Variants in FGD6 observed in about 807,000 individuals in gnomAD.
FGD6 encodes FYVE, RhoGEF and PH domain containing 6, also known as FYVE, RhoGEF and PH domain-containing protein 6.
Under a neutral mutation model 149.4 loss-of-function variants are expected in FGD6, and 90 were observed. That is an observed-to-expected ratio of 0.60 (90% CI 0.51 to 0.72). The LOEUF (loss-of-function observed/expected upper bound fraction) is 0.72. Ranked by LOEUF, FGD6 falls within the 30% of genes least tolerant of loss-of-function variation. FGD6 has a pLI of 0.00. For missense variants in FGD6, 1,437 were observed against 1,684.8 expected, an observed-to-expected ratio of 0.85 and a Z score of 2.57; for synonymous variants, 527 against 584.0, an observed-to-expected ratio of 0.90 and a Z score of 1.41.
chr12:95,192,023 C>T (rs761323033), intron 2 of FGD6, among the ~76,000 whole-genome samples: 6 of 152,172 alleles, frequency 3.9e-5, no homozygotes, highest in African/African-American at 7.2e-5. Flanking sequence ...CCACCACTCG[C>T]GGCTCCTCCT....
At chr12:95,095,014 T>G (rs1276823422) in intron 14 of FGD6, among the ~76,000 whole-genome samples, 1 of 152,224 alleles carries the variant, frequency 6.6e-6, no homozygotes, top group Admixed American at 6.5e-5. Flanking sequence ...AATTAATAAT[T>G]ATGATTATTT....
intron 20 of FGD6, among the ~76,000 whole-genome samples, chr12:95,083,026 T>TACAC (rs1877743652): frequency 3.8e-5 from 3 of 78,864 alleles, no homozygotes; most frequent in Non-Finnish European, 7.7e-5. Context: ...TATATATATA[T>TACAC]ATATACACAC....
chr12:95,086,518 C>T, intron 18 of FGD6, among the ~76,000 whole-genome samples: 1 of 142,426 alleles, frequency 7.0e-6, no homozygotes, highest in Non-Finnish European at 1.5e-5. Flanking sequence ...TAAGCTTTTA[C>T]TGATTGATTT....
intron 8 of FGD6, among the ~76,000 whole-genome samples, chr12:95,120,106 GT>G (rs1374236097): frequency 1.3e-5 from 2 of 150,748 alleles, no homozygotes; most frequent in Non-Finnish European, 3.0e-5. Flanking sequence ...GAATGCTCCT[GT>G]AGTCCCAGCT....
At chr12:95,094,967 G>C (rs890945915) in intron 14 of FGD6, among the ~76,000 whole-genome samples, 3 of 152,120 alleles carry the variant, frequency 2.0e-5, no homozygotes, top group African/African-American at 7.2e-5. Context: ...TCCTAAACTT[G>C]AAAATATTTT....
intron 3 of FGD6, among the ~76,000 whole-genome samples, chr12:95,154,994 C>T (rs773080312): frequency 6.6e-6 from 1 of 151,292 alleles, no homozygotes; most frequent in African/African-American, 2.4e-5. Context: ...AAACTTTTTT[C>T]GACTGCTTCC....
chr12:95,175,820 G>GA (rs1313643366), intron 2 of FGD6, among the ~76,000 whole-genome samples: 10,769 of 129,868 alleles, frequency 0.083, 605 homozygotes, highest in Non-Finnish European at 0.12. Flanking sequence ...AAAAAAAAAA[G>GA]AAAAAAAAAA....
At chr12:95,196,379 G>A (rs996341187) in intron 2 of FGD6, among the ~76,000 whole-genome samples, 1 of 152,006 alleles carries the variant, frequency 6.6e-6, no homozygotes, top group Non-Finnish European at 1.5e-5. Context: ...CCAAAGTGCT[G>A]GAGGCCACGC....
rs771722507 is a variant in FGD6, at chr12:95,172,587, T to C, written c.2586+13A>G. 3.2e-6 allele frequency: 5 copies of C among 1,578,604 alleles called. No homozygotes were observed. The highest frequency in any genetic ancestry group is 4.3e-6 in the Non-Finnish European group (5 of 1,158,100). On this transcript the variant is annotated intron_variant, in intron 3 of 20. Transcript: ENST00000343958. ...AGGGAGAGGTCAAGAAGCAATTAAG[T>C]ACCAAAGTATACCTGTTTATCTTCC...
chr12:95,210,415 C>G lies in FGD6; in HGVS notation c.869G>C (p.Ser290Thr). The G allele has an allele frequency of 6.2e-7, 1 of 1,614,078 alleles. No individual in the cohort carries two copies. The highest frequency in any genetic ancestry group is 1.3e-5 in the African/African-American group (1 of 75,028). ...AAGGTCTTTGACTTCTGATTTCTTA[C>G]TAACTCCATCTGAAGATATTAAAGT... ...RSTLISSDGVSKKSEVKDLGP... is the reference protein window; with the variant it reads ...RSTLISSDGVTKKSEVKDLGP... Residue 290 changes from serine to threonine, a missense_variant, in exon 2 of 21, where the codon AGT becomes ACT. By Grantham distance (58) the Ser-to-Thr change is moderately conservative. Coordinates refer to ENST00000343958, the MANE Select transcript of FGD6 (RefSeq NM_018351.4).
chr12:95,214,954 G>A (rs369708119), intron 1 of FGD6, among the ~76,000 whole-genome samples: 1 of 142,720 alleles, frequency 7.0e-6, no homozygotes, highest in African/African-American at 2.6e-5. Context: ...CCTCCGCCTC[G>A]CTGGCTCAAG....
chr12:95,144,988 CTTTTTTTT>C (rs34338776), intron 5 of FGD6, among the ~76,000 whole-genome samples: 5 of 98,854 alleles, frequency 5.1e-5, no homozygotes, highest in South Asian at 3.5e-4. Flanking sequence ...CGCACCCGGC[CTTTTTTTT>C]TTTTTTTTTT....
intron 2 of FGD6, among the ~76,000 whole-genome samples, chr12:95,200,969 T>A (rs541469574): frequency 6.6e-6 from 1 of 151,186 alleles, no homozygotes; most frequent in African/African-American, 2.4e-5. Context: ...GTACCTAACA[T>A]AGTTTCAAGA....
intron 14 of FGD6, among the ~76,000 whole-genome samples, chr12:95,095,107 C>T (rs1189571054): frequency 6.6e-6 from 1 of 152,096 alleles, no homozygotes; most frequent in South Asian, 2.1e-4. Context: ...CAATTTATAG[C>T]ATAGAATACT....
chr12:95,213,237 A>G (rs2056736952), intron 1 of FGD6, among the ~76,000 whole-genome samples: 1 of 152,088 alleles, frequency 6.6e-6, no homozygotes, highest in South Asian at 2.1e-4. Flanking sequence ...TTCTGTAACC[A>G]TTATCAAAAC....
intron 3 of FGD6, among the ~76,000 whole-genome samples, chr12:95,158,519 A>G (rs1352395089): frequency 6.6e-6 from 1 of 152,024 alleles, no homozygotes; most frequent in Admixed American, 6.6e-5. Flanking sequence ...TCTTAAGCAC[A>G]GTCTGACCTT....
intron 2 of FGD6, among the ~76,000 whole-genome samples, chr12:95,195,555 A>G (rs1881715062): frequency 6.6e-6 from 1 of 151,572 alleles, no homozygotes; most frequent in Non-Finnish European, 1.5e-5. Context: ...CCTGGCAACC[A>G]GGCCAACTGT....
Position 95,211,244 on chromosome 12 carries a change from G to A in FGD6, c.40C>T (p.Pro14Ser). The A allele has an allele frequency of 1.3e-6, 2 of 1,588,738 alleles. No individual in the cohort carries two copies. The highest frequency in any genetic ancestry group is 1.7e-4 in the Middle Eastern group (1 of 5,940). The part of the protein sequence containing the change: ...AAEIKKPPVA[P>S]KPKFVVANNK... The stretch of plus-strand genomic sequence containing the variant: ...TTTGCCACAACAAACTTGGGCTTGG[G>A]GGCCACTGGTGGCTTCTTTATCTCT... The change falls in exon 2 of 21, where the codon CCC becomes TCC. Residue 14 changes from proline (P) to serine (S), a missense_variant. Transcript: ENST00000343958.
intron 2 of FGD6, among the ~76,000 whole-genome samples, chr12:95,191,404 A>T (rs1881583961): frequency 6.6e-6 from 1 of 152,250 alleles, no homozygotes; most frequent in Non-Finnish European, 1.5e-5. Context: ...CAAAATTAAC[A>T]GATGTTTCCT....
Sources: allele counts gnomAD v4.1 joint callset (sites outside exome capture counted in the v4.1 genomes callset), GRCh38; gene constraint gnomAD v4.1.1; transcripts MANE v1.5; gene names NCBI Gene and HGNC (gene_info 2026-07-23, HGNC 2026-07-21).